FRYL: variants seen among roughly 807,000 people sequenced by gnomAD.
The protein encoded by FRYL is protein furry homolog-like.
FRYL carries 150 observed loss-of-function variants against 351.2 expected under a neutral mutation model. That is an observed-to-expected ratio of 0.43 (90% confidence interval 0.37 to 0.49). FRYL has a LOEUF of 0.49. Ranked by LOEUF, FRYL falls within the 20% of genes least tolerant of loss-of-function variation. The pLI is 0.00. For missense variants in FRYL, 3,036 were observed against 3,619.3 expected (o/e 0.84, Z 4.13); for synonymous variants, 1,153 against 1,257.1 (o/e 0.92, Z 1.75).
intron 1 of FRYL, among the ~76,000 whole-genome samples, chr4:48,740,546 C>T (rs1384137130): frequency 1.3e-5 from 2 of 152,094 alleles, no homozygotes; most frequent in African/African-American, 4.8e-5. Flanking sequence ...CTGCCTGTCT[C>T]AGCCTCCCAA....
intron 34 of FRYL, 49 bp downstream of exon 34, chr4:48,557,404 C>T: frequency 1.2e-6 from 2 of 1,601,770 alleles, no homozygotes; most frequent in Non-Finnish European, 1.7e-6. Flanking sequence ...ACCACATCTA[C>T]TCACTCAATA....
intron 7 of FRYL, 146 bp downstream of exon 7, chr4:48,619,128 G>T: frequency 1.7e-6 from 1 of 604,946 alleles, no homozygotes; most frequent in Non-Finnish European, 2.9e-6. Context: ...AAAGCCCCAG[G>T]CAACTGAAAG....
At chr4:48,755,699 T>C (rs942171491) in intron 1 of FRYL, among the ~76,000 whole-genome samples, 12 of 152,160 alleles carry the variant, frequency 7.9e-5, no homozygotes, top group African/African-American at 2.7e-4. Flanking sequence ...AAAGCCAATG[T>C]TTTTGGTACA....
At chr4:48,714,666 G>T (rs1003688077) in intron 1 of FRYL, among the ~76,000 whole-genome samples, 61 of 150,448 alleles carry the variant, frequency 4.1e-4, no homozygotes, top group African/African-American at 1.4e-3. Context: ...GGACCAGATG[G>T]ATTCAAAGCC....
intron 1 of FRYL, among the ~76,000 whole-genome samples, chr4:48,744,857 G>A (rs1038461759): frequency 2.6e-5 from 4 of 152,084 alleles, no homozygotes; most frequent in African/African-American, 9.7e-5. Context: ...ATAATATAGT[G>A]TGAACTTAAG....
intron 3 of FRYL, among the ~76,000 whole-genome samples, chr4:48,656,393 T>TATATTATATAATATATACTAAATATA (rs1403582398): frequency 7.8e-6 from 1 of 127,902 alleles, no homozygotes; most frequent in African/African-American, 2.9e-5. Context: ...TAATATATAA[T>TATATTATATAATATATACTAAATATA]TAATATATAA....
chr4:48,606,392 GACTGTT>G, intron 10 of FRYL, 40 bp downstream of exon 10: 1 of 1,269,072 alleles, frequency 7.9e-7, no homozygotes. Context: ...GAAGAGCAAG[GACTGTT>G]AGGCTTGCTC....
chr4:48,663,221 G>A (rs1225121469), intron 3 of FRYL, among the ~76,000 whole-genome samples: 3 of 151,802 alleles, frequency 2.0e-5, no homozygotes, highest in Non-Finnish European at 4.4e-5. Flanking sequence ...GAAGTATAAG[G>A]TTTCAGGTTC....
intron 49 of FRYL, among the ~76,000 whole-genome samples, chr4:48,532,463 G>T (rs1183434887): frequency 2.6e-5 from 4 of 152,188 alleles, no homozygotes; most frequent in Non-Finnish European, 5.9e-5. Context: ...TTTGACACCG[G>T]CCTGGCCAAT....
Position 48,579,197 on chromosome 4 carries a change from TAA to T in FRYL, c.2302_2303del (p.Leu768SerfsTer9). On this transcript the variant is annotated frameshift_variant, in exon 23 of 64. Coordinates refer to ENST00000358350, the MANE Select transcript of FRYL (RefSeq NM_015030.2). LOFTEE classifies it high-confidence loss of function. ...YCPSSIDLQT[L>X]AEWNSSPISH... ...TAATAGGAGAAGAGTTCCATTCTGC[TAA>T]AGTTTGTAAATCTATCGAGCTAGGG... The T allele has an allele frequency of 6.2e-7, 1 of 1,613,798 alleles. No individual in the cohort carries two copies. The highest frequency in any genetic ancestry group is 8.5e-7 in the Non-Finnish European group (1 of 1,179,780).
At chr4:48,662,765 G>GAAAA (rs57746767) in intron 3 of FRYL, among the ~76,000 whole-genome samples, 1 of 131,614 alleles carries the variant, frequency 7.6e-6, no homozygotes. Context: ...ATCTCCTGAA[G>GAAAA]AAAAAAAAAA....
intron 2 of FRYL, among the ~76,000 whole-genome samples, chr4:48,706,125 G>A (rs1328803985): frequency 3.9e-5 from 6 of 152,110 alleles, no homozygotes; most frequent in East Asian, 1.9e-4. Flanking sequence ...GAGCCACTGC[G>A]CCTGGCCTCA....
At position 48,582,516 on chromosome 4, in the gene FRYL, T is replaced by G. The variant is rs757192577; in HGVS notation, c.1967A>C (p.Asn656Thr). ...NQWKQAAQMH[N>T]KNQDTQHGVA... The stretch of plus-strand genomic sequence containing the variant: ...TGGTACCTGAGTGTCCTGGTTTTTA[T>G]TATGCATTTGGGCTGCTTGTTTCCA... Residue 656 changes from asparagine (N) to threonine (T), a missense_variant, in exon 20 of 64, where the codon AAT (asparagine) becomes ACT (threonine). Asn to Thr is a moderately conservative substitution (Grantham distance 65, BLOSUM62 0). Coordinates refer to ENST00000358350, the MANE Select transcript of FRYL (RefSeq NM_015030.2). The G allele has an allele frequency of 1.2e-6, 2 of 1,612,566 alleles. No homozygotes were observed.
At position 48,547,603 on chromosome 4, in the gene FRYL, G is replaced by A; in HGVS notation, c.5055C>T (p.His1685=). ...PRVLTVKQVA[H]LDYNFTAGIN... is the part of the protein sequence containing the mutation. Reference sequence around the variant, plus strand: ...AAATACCTGTGAAATTATAATCTAAGTGTGCAACTTGTTTGACTGTAAGCA... The same window carrying A: ...AAATACCTGTGAAATTATAATCTAAATGTGCAACTTGTTTGACTGTAAGCA... Residue 1685 remains histidine (H), a synonymous_variant, in exon 41 of 64, where the codon CAC becomes CAT. Coordinates refer to ENST00000358350, the MANE Select transcript of FRYL (RefSeq NM_015030.2). The A allele has an allele frequency of 1.9e-6, 3 of 1,561,636 alleles. No homozygotes were observed. Among genetic ancestry groups the A allele is most frequent in the Non-Finnish European group, 2.6e-6 (3 of 1,146,032 alleles).
intron 3 of FRYL, among the ~76,000 whole-genome samples, chr4:48,635,944 A>T (rs1354292920): frequency 2.0e-5 from 3 of 152,186 alleles, no homozygotes; most frequent in Admixed American, 6.6e-5. Flanking sequence ...AAAACTTATT[A>T]AAAAATTTTT....
rs1720011442 is a variant in FRYL, at chr4:48,502,830, C to A, written c.8479G>T (p.Ala2827Ser). The A allele has an allele frequency of 6.2e-7, 1 of 1,610,298 alleles. No individual in the cohort carries two copies. Among genetic ancestry groups the A allele is most frequent in the Admixed American group, 1.7e-5 (1 of 59,676 alleles). ...NTDAQQMEIL[A>S]ELELCRRLYK... is the part of the protein sequence containing the mutation. The stretch of plus-strand genomic sequence containing the variant: ...ATAAATCAAGACAGGTCACTTACTG[C>A]TAGTATTTCCATTTGCTAAGCAAGA... Residue 2827 changes from alanine to serine, a missense_variant and splice_region_variant, in exon 61 of 64, where the codon GCA becomes TCA. Physicochemically the swap from Ala to Ser is moderately conservative, Grantham distance 99 (BLOSUM62 1). This residue lies in a region of FRYL where 1,987 missense variants were observed against 2,311.7 expected (regional missense o/e 0.86). Coordinates refer to ENST00000358350, the MANE Select transcript of FRYL (RefSeq NM_015030.2).
intron 1 of FRYL, among the ~76,000 whole-genome samples, chr4:48,750,748 T>G (rs1344661922): frequency 6.6e-6 from 1 of 152,146 alleles, no homozygotes; most frequent in African/African-American, 2.4e-5. Context: ...GAGAGGGAGC[T>G]GGGGATCAAG....
intron 1 of FRYL, among the ~76,000 whole-genome samples, chr4:48,772,653 G>GCTTA (rs535506556): frequency 9.1e-6 from 1 of 109,812 alleles, no homozygotes; most frequent in Non-Finnish European, 1.7e-5. Flanking sequence ...CACATCTGAA[G>GCTTA]CTTACCCTGA....
At chr4:48,769,977 T>G (rs1309425684) in intron 1 of FRYL, among the ~76,000 whole-genome samples, 1 of 152,198 alleles carries the variant, frequency 6.6e-6, no homozygotes, top group East Asian at 1.9e-4. Flanking sequence ...GACAGTTCTA[T>G]ATCTTGACTG....
Sources: gnomAD v4.1 joint callset for allele counts (sites outside exome capture counted in the v4.1 genomes callset) on GRCh38, gnomAD v4.1.1 for gene constraint, gnomAD v4.1.1 regional missense constraint, MANE v1.5 for transcripts, NCBI Gene and HGNC (gene_info 2026-07-23, HGNC 2026-07-21) for gene names.